FLVCR1: variants seen among roughly 807,000 people sequenced by gnomAD.
FLVCR1 encodes choline/ethanolamine transporter FLVCR1.
In FLVCR1, 34 loss-of-function variants were observed where a neutral mutation model predicts 53.6. The ratio of observed to expected loss-of-function variants is 0.63; its 90% CI spans 0.48 to 0.84. The LOEUF (loss-of-function observed/expected upper bound fraction) is 0.84, where lower values mean the gene tolerates loss of function less well. Among genes scored for constraint, FLVCR1 ranks in the 40% least tolerant of loss-of-function variants. FLVCR1 has a pLI of 0.00. For missense variants in FLVCR1, 677 were observed against 696.7 expected (o/e 0.97, Z 0.32); for synonymous variants, 300 against 286.3 (o/e 1.05, Z -0.48).
intron 3 of FLVCR1, among the ~76,000 whole-genome samples, chr1:212,878,884 G>T (rs998966234): frequency 2.6e-5 from 4 of 152,054 alleles, no homozygotes; most frequent in African/African-American, 9.7e-5. Context: ...AGCTAGTTGT[G>T]GGGCTGAGAT....
At chr1:212,877,054 T>C (rs1020112962) in intron 3 of FLVCR1, among the ~76,000 whole-genome samples, 24 of 152,158 alleles carry the variant, frequency 1.6e-4, no homozygotes, top group African/African-American at 5.5e-4. Context: ...TGGTATCTCA[T>C]TGTGGTTTTG....
chr1:212,883,276 A>G (rs1664969687), intron 3 of FLVCR1, 95 bp from the exon 4 acceptor site: 5 of 729,694 alleles, frequency 6.9e-6, no homozygotes, highest in Non-Finnish European at 1.2e-5. Flanking sequence ...ATAATATTCC[A>G]TGTCACTTCA....
rs1477656980 is a variant in FLVCR1, at chr1:212,886,039, G to GTTTT, written c.1196+645_1196+646insTTTT. On this transcript the variant is annotated intron_variant, in intron 5 of 9. Transcript: ENST00000366971. ...TTTGACTTTTGATAGACTTTATCTT[G>GTTTT]TTCTTTTTTTTTTTTTTTTTTAGGT... Among the ~76,000 whole-genome samples the GTTTT allele has an allele frequency of 9.7e-3, 641 of 66,256 alleles. 9 individuals are homozygous for GTTTT. Among genetic ancestry groups the GTTTT allele is most frequent in the African/African-American group, 0.035 (614 of 17,598 alleles). 43.5% of individuals were successfully genotyped at this position (66,256 alleles called of 152,430 possible).
chr1:212,885,564 TTTTTG>T (rs1238662685), intron 5 of FLVCR1, 168 bp downstream of exon 5: 86 of 471,782 alleles, frequency 1.8e-4, no homozygotes, highest in South Asian at 1.0e-3. Context: ...TTTTTTTTTT[TTTTTG>T]AGACGGAGTC....
intron 6 of FLVCR1, 55 bp downstream of exon 6, chr1:212,888,056 T>A: frequency 9.7e-7 from 1 of 1,032,180 alleles, no homozygotes; most frequent in Non-Finnish European, 1.5e-6. Flanking sequence ...AATTCTGAAG[T>A]ATTATTACTC....
In FLVCR1 at chr1:212,883,387, CT is replaced by C. The variant is rs1664971931; in HGVS notation, c.1045del (p.Tyr349IlefsTer7). 3 of 1,558,944 alleles carry C rather than the reference CT, an allele frequency of 1.9e-6. No homozygotes were observed. The highest frequency in any genetic ancestry group is 2.6e-6 in the Non-Finnish European group (3 of 1,132,138). On this transcript the variant is annotated frameshift_variant, in exon 4 of 10. Coordinates refer to ENST00000366971, the MANE Select transcript of FLVCR1 (RefSeq NM_014053.4). LOFTEE classifies it high-confidence loss of function. The stretch of plus-strand genomic sequence containing the variant: ...TTATTGTAGGTATCATGACTGGTGC[CT>C]TTTATTCAGTCTCAACGTTATTAAA... ...LITYGIMTGA[F>X]YSVSTLLNQM...
rs1664078570 is a variant in FLVCR1, at chr1:212,858,280, T to G, written c.-173T>G. The G allele has an allele frequency of 3.1e-6, 2 of 639,678 alleles. No homozygotes were observed. The highest frequency in any genetic ancestry group is 3.5e-5 in the Admixed American group (1 of 28,600). The allele number at this position is 639,678 out of a possible 1,614,324, so 39.6% of individuals were successfully genotyped here. A position where few individuals can be genotyped will look rare whatever the true frequency, so the allele number is the denominator to read the frequency against. On this transcript the variant is annotated 5_prime_UTR_variant, in exon 1 of 10. Transcript: ENST00000366971. Reference sequence around the variant, plus strand: ...GCCGCGCGGCGCGGGGGAGGAGACCTTCATCTGTTCACGCGGTAGCGCGGA... The same window carrying G: ...GCCGCGCGGCGCGGGGGAGGAGACCGTCATCTGTTCACGCGGTAGCGCGGA...
At chr1:212,887,149 A>G (rs1665084679) in intron 5 of FLVCR1, among the ~76,000 whole-genome samples, 3 of 152,236 alleles carry the variant, frequency 2.0e-5, no homozygotes, top group Non-Finnish European at 4.4e-5. Context: ...CCATAATTTA[A>G]GACAGCACTT....
chr1:212,892,022 G>A (rs2102573405), intron 8 of FLVCR1, among the ~76,000 whole-genome samples: 1 of 152,356 alleles, frequency 6.6e-6, no homozygotes, highest in Non-Finnish European at 1.5e-5. Flanking sequence ...GTCCAATTCT[G>A]TGAACGTTGA....
At chr1:212,878,155 G>T (rs1193206105) in intron 3 of FLVCR1, among the ~76,000 whole-genome samples, 1 of 152,030 alleles carries the variant, frequency 6.6e-6, no homozygotes, top group Non-Finnish European at 1.5e-5. Context: ...GCTAACAAAG[G>T]TTTACTACCT....
chr1:212,887,271 AT>A lies in FLVCR1; in HGVS notation c.1197-617del, dbSNP rs1182924590. On this transcript the variant is annotated intron_variant, in intron 5 of 9. Transcript: ENST00000366971. ...TTCTTAAGTCTTTCATCCGTTATAC[AT>A]TTAGAAAACTTGATAGGCATAGATG... Among the ~76,000 whole-genome samples, 6 of 152,352 alleles carry A rather than the reference AT, an allele frequency of 3.9e-5. No homozygotes were observed. In the South Asian group the frequency reaches 1.2e-3, roughly 32 times the overall value.
intron 8 of FLVCR1, among the ~76,000 whole-genome samples, chr1:212,891,495 ATCC>A (rs1461556347): frequency 1.3e-5 from 2 of 152,198 alleles, no homozygotes; most frequent in Admixed American, 1.3e-4. Context: ...CAGTTTTGTA[ATCC>A]TCCTTCAAAT....
chr1:212,885,496 C>A, intron 5 of FLVCR1, 100 bp downstream of exon 5: 2 of 725,638 alleles, frequency 2.8e-6, no homozygotes. Flanking sequence ...CATGTTATTA[C>A]TTAAAGATAC....
Position 212,897,242 on chromosome 1 carries a change from C to CTATTTATATATTT in FLVCR1, c.*1955_*1956insTTATATATTTTAT, listed in dbSNP as rs1665365585. On this transcript the variant is annotated 3_prime_UTR_variant, in exon 10 of 10. Transcript: ENST00000366971. ...TGAGGTTGAGCACGATGGCTCACAC[C>CTATTTATATATTT]TATAGTCCCAGCACTTTGGGAGGCT... 3 of 151,458 alleles carry CTATTTATATATTT rather than the reference C, an allele frequency of 2.0e-5. No homozygotes were observed. The South Asian group carries it at 6.3e-4, about 32-fold the overall frequency. The allele number at this position is 151,458 out of a possible 1,614,324, so 9.4% of individuals were successfully genotyped here.
Position 212,895,178 on chromosome 1 carries a change from G to A in FLVCR1, c.1594-38G>A, listed in dbSNP as rs151302435. The A allele has an allele frequency of 7.3e-6, 11 of 1,506,494 alleles. No homozygotes were observed. The East Asian group carries it at 2.3e-4, about 31-fold the overall frequency. The allele number at this position is 1,506,494 out of a possible 1,614,324, so 93.3% of individuals were successfully genotyped here. On this transcript the variant is annotated intron_variant, in intron 9 of 9. Transcript: ENST00000366971. ...TGATCTGTTATAATAGGATATGCCA[G>A]ATGCTATACATTTTTAATCTTCTGA...
chr1:212,862,852 C>A (rs1034167563), intron 1 of FLVCR1, among the ~76,000 whole-genome samples: 3 of 152,128 alleles, frequency 2.0e-5, no homozygotes, highest in African/African-American at 4.8e-5. Flanking sequence ...TTTTATATTG[C>A]TATTATTGTT....
At chr1:212,893,455 A>G (rs979712276) in intron 8 of FLVCR1, among the ~76,000 whole-genome samples, 20 of 152,342 alleles carry the variant, frequency 1.3e-4, no homozygotes, top group East Asian at 5.8e-4. Context: ...GATTTAGAAT[A>G]TTATATAAAC....
intron 1 of FLVCR1, among the ~76,000 whole-genome samples, chr1:212,860,194 G>A (rs1394669140): frequency 6.6e-6 from 1 of 152,120 alleles, no homozygotes; most frequent in African/African-American, 2.4e-5. Flanking sequence ...GAATCTACAT[G>A]CTTATTGCTT....
At chr1:212,889,844 C>A (rs554481033) in intron 8 of FLVCR1, among the ~76,000 whole-genome samples, 16 of 151,768 alleles carry the variant, frequency 1.1e-4, no homozygotes, top group Non-Finnish European at 1.6e-4. Context: ...GGGAGTGTGA[C>A]TTTAGACCCG....
Sources: gnomAD v4.1 joint callset for allele counts (sites outside exome capture counted in the v4.1 genomes callset) on GRCh38, gnomAD v4.1.1 for gene constraint, MANE v1.5 for transcripts, NCBI Gene and HGNC (gene_info 2026-07-23, HGNC 2026-07-21) for gene names.